PCDHA1: variants seen among roughly 807,000 people sequenced by gnomAD.
PCDHA1 encodes protocadherin alpha 1.
A neutral mutation model predicts 61.3 loss-of-function variants in PCDHA1; 42 were observed. The ratio of observed to expected loss-of-function variants is 0.69; its 90% CI spans 0.54 to 0.89. The LOEUF (loss-of-function observed/expected upper bound fraction) is 0.89, where lower values mean the gene tolerates loss of function less well. Ranked by LOEUF, PCDHA1 falls within the 40% of genes least tolerant of loss-of-function variation. The pLI is 0.00. For missense variants in PCDHA1, 1,256 were observed against 1,235.3 expected (o/e 1.02, Z -0.25); for synonymous variants, 610 against 553.8 (o/e 1.10, Z -1.43).
chr5:140,961,716 G>A (rs2095631233), intron 1 of PCDHA1, among the ~76,000 whole-genome samples: 1 of 152,082 alleles, frequency 6.6e-6, no homozygotes, highest in African/African-American at 2.4e-5. Flanking sequence ...TCATTTCTAA[G>A]TGCTCATAAA....
chr5:140,974,944 T>C (rs1216786290), intron 1 of PCDHA1, among the ~76,000 whole-genome samples: 1 of 152,210 alleles, frequency 6.6e-6, no homozygotes, highest in African/African-American at 2.4e-5. Context: ...ACCTATTTGT[T>C]ATCTCACAGT....
intron 1 of PCDHA1, among the ~76,000 whole-genome samples, chr5:140,908,488 A>G (rs2073999089): frequency 6.6e-6 from 1 of 152,206 alleles, no homozygotes; most frequent in Non-Finnish European, 1.5e-5. Flanking sequence ...TAGGCAGTTC[A>G]GGTTGCTTGG....
intron 3 of PCDHA1, among the ~76,000 whole-genome samples, chr5:141,007,506 T>A (rs1370245633): frequency 6.6e-6 from 1 of 151,948 alleles, no homozygotes; most frequent in Non-Finnish European, 1.5e-5. Flanking sequence ...AGGCAGAGAC[T>A]GCAGTGAGCT....
chr5:140,927,155 G>A (rs2083907874), intron 1 of PCDHA1: 1 of 1,614,076 alleles, frequency 6.2e-7, no homozygotes, highest in Non-Finnish European at 8.5e-7. Flanking sequence ...CAGCTGTGCA[G>A]GGCCAAAGCT....
At position 140,786,212 on chromosome 5, in the gene PCDHA1, T is replaced by C; in HGVS notation, c.-79T>C. 6.7e-7 allele frequency: 1 copy of C among 1,495,116 alleles called. No individual in the cohort carries two copies. The highest frequency in any genetic ancestry group is 2.4e-4 in the Middle Eastern group (1 of 4,196). 92.6% of individuals were successfully genotyped at this position (1,495,116 alleles called of 1,614,324 possible). On this transcript the variant is annotated 5_prime_UTR_variant, in exon 1 of 4. Transcript: ENST00000504120. Reference sequence around the variant, plus strand: ...AGAGAAGACAGAAACGGTAAAGAGATAAATGATTGGAAATATTAGATAAAA... The same window carrying C: ...AGAGAAGACAGAAACGGTAAAGAGACAAATGATTGGAAATATTAGATAAAA...
intron 1 of PCDHA1, chr5:140,807,427 G>A: frequency 6.3e-7 from 1 of 1,596,236 alleles, no homozygotes; most frequent in Non-Finnish European, 8.5e-7. Flanking sequence ...TAAATCTGCA[G>A]AATGGCATTT....
intron 1 of PCDHA1, chr5:140,883,158 C>A: frequency 2.5e-6 from 4 of 1,613,710 alleles, no homozygotes; most frequent in Non-Finnish European, 3.4e-6. Flanking sequence ...ACCATAAATC[C>A]GAACAATGGA....
rs1554117372 is a variant in PCDHA1, at chr5:140,786,404, A to G, written c.114A>G (p.Glu38=). The change falls in exon 1 of 4, where the codon GAA becomes GAG. Residue 38 remains glutamate (E), a synonymous_variant. Transcript: ENST00000504120. The part of the protein sequence containing the change: ...SGQLHYSIPE[E]AKHGTFVGRV... ...AGCTCCACTACTCGATCCCGGAGGAAGCCAAACACGGCACCTTCGTTGGCC... is the reference window on the plus strand; with the variant it reads ...AGCTCCACTACTCGATCCCGGAGGAGGCCAAACACGGCACCTTCGTTGGCC... The G allele has an allele frequency of 2.1e-5, 34 of 1,613,422 alleles. No homozygotes were observed. The highest frequency in any genetic ancestry group is 2.7e-5 in the Non-Finnish European group (32 of 1,180,042).
intron 1 of PCDHA1, among the ~76,000 whole-genome samples, chr5:140,895,850 AC>A (rs2065202764): frequency 6.6e-6 from 1 of 152,110 alleles, no homozygotes; most frequent in Non-Finnish European, 1.5e-5. Context: ...TCACTCTTGT[AC>A]CCCAGGCTGG....
chr5:140,805,096 T>C (rs375338137), intron 1 of PCDHA1: 2 of 1,592,490 alleles, frequency 1.3e-6, no homozygotes, highest in African/African-American at 2.7e-5. Flanking sequence ...GCTTGCCTCT[T>C]GAAACTATTG....
At chr5:140,789,790 G>C (rs1435988869) in intron 1 of PCDHA1, among the ~76,000 whole-genome samples, 2 of 152,176 alleles carry the variant, frequency 1.3e-5, no homozygotes, top group Non-Finnish European at 2.9e-5. Flanking sequence ...TGTGGATAAA[G>C]GTGCTGAGGC....
At chr5:140,882,481 C>T in intron 1 of PCDHA1, 2 of 1,614,038 alleles carry the variant, frequency 1.2e-6, no homozygotes, top group Middle Eastern at 1.7e-4. Flanking sequence ...CCAAAAGACA[C>T]GGGGACCTTC....
At chr5:140,954,807 T>TGAAAATGCTTTAGGCACTTTTGTC (rs2095090008) in intron 1 of PCDHA1, among the ~76,000 whole-genome samples, 1 of 152,248 alleles carries the variant, frequency 6.6e-6, no homozygotes, top group Admixed American at 6.5e-5. Flanking sequence ...TTGCTTTTGT[T>TGAAAATGCTTTAGGCACTTTTGTC]GAAATTGCTT....
In PCDHA1 at chr5:140,796,658, T is replaced by C. The variant is rs143287636; in HGVS notation, c.2394+7974T>C. The C allele has an allele frequency of 1.2e-4, 192 of 1,613,664 alleles. No homozygotes were observed. The highest frequency in any genetic ancestry group is 1.5e-4 in the Non-Finnish European group (180 of 1,179,806). On this transcript the variant is annotated intron_variant, in intron 1 of 3. Coordinates refer to ENST00000504120, the MANE Select transcript of PCDHA1 (RefSeq NM_018900.4). The stretch of plus-strand genomic sequence containing the variant: ...GACGAGAACGACAACGCGCCGGCAC[T>C]GTTGGCGCCTAGGGCTGGCACCGCT...
At chr5:141,004,843 A>G (rs2098184369) in intron 3 of PCDHA1, among the ~76,000 whole-genome samples, 1 of 152,230 alleles carries the variant, frequency 6.6e-6, no homozygotes, top group African/African-American at 2.4e-5. Context: ...CAAAGTCATT[A>G]GTCTCAGAGA....
intron 1 of PCDHA1, among the ~76,000 whole-genome samples, chr5:140,975,935 C>T (rs1351802479): frequency 6.6e-6 from 1 of 152,060 alleles, no homozygotes; most frequent in East Asian, 1.9e-4. Flanking sequence ...ACCTTTGAAG[C>T]AATAGGACAT....
At chr5:141,005,352 GGAATGTCATA>G (rs1261780276) in intron 3 of PCDHA1, among the ~76,000 whole-genome samples, 2 of 152,178 alleles carry the variant, frequency 1.3e-5, no homozygotes, top group Non-Finnish European at 2.9e-5. Flanking sequence ...TGCTTGGCTA[GGAATGTCATA>G]GAATGCCTTT....
chr5:140,883,564 G>C, intron 1 of PCDHA1: 1 of 1,614,174 alleles, frequency 6.2e-7, no homozygotes, highest in Non-Finnish European at 8.5e-7. Context: ...ACGGGGGCTC[G>C]CCTTCGCTGT....
At chr5:140,816,652 G>C (rs1285139152) in intron 1 of PCDHA1, 2 of 152,050 alleles carry the variant, frequency 1.3e-5, no homozygotes, top group African/African-American at 4.8e-5. Context: ...ACCTCTTCCA[G>C]TCTTTATGGA....
Sources: allele counts gnomAD v4.1 joint callset (sites outside exome capture counted in the v4.1 genomes callset), GRCh38; gene constraint gnomAD v4.1.1; transcripts MANE v1.5; gene names NCBI Gene and HGNC (gene_info 2026-07-23, HGNC 2026-07-21).